The following RIPOR1 variants were observed in gnomAD, a reference collection of about 807,000 sequenced individuals.
RIPOR1 encodes RHO family interacting cell polarization regulator 1.
A neutral mutation model predicts 116.5 loss-of-function variants in RIPOR1; 58 were observed. The ratio of observed to expected loss-of-function variants is 0.50; its 90% CI spans 0.40 to 0.62. RIPOR1 has a LOEUF of 0.62. RIPOR1 is among the 20% of genes least tolerant of loss of function. The pLI, the probability that RIPOR1 is intolerant of heterozygous loss-of-function variation, is 0.00. For missense variants in RIPOR1, 1,372 were observed against 1,586.2 expected, an observed-to-expected ratio of 0.86 and a Z score of 2.29; for synonymous variants, 605 against 650.0, an observed-to-expected ratio of 0.93 and a Z score of 1.05.
At position 67,539,842 on chromosome 16, in the gene RIPOR1, C is replaced by G. The variant is rs768260871; in HGVS notation, c.361-4C>G. ...AGGCCCCTCCTGACCCACCTCTCCC[C>G]CAGCAAGTCAAGTCCATTGAACGCT... On this transcript the variant is annotated splice_region_variant and splice_polypyrimidine_tract_variant and intron_variant, in intron 5 of 21. Transcript: ENST00000042381. The G allele has an allele frequency of 6.2e-6, 10 of 1,614,214 alleles. No homozygotes were observed. The South Asian group carries it at 1.1e-4, about 18-fold the overall frequency.
chr16:67,538,946 G>A (rs758754618), intron 3 of RIPOR1, 44 bp from the exon 4 acceptor site: 16 of 1,612,338 alleles, frequency 9.9e-6, no homozygotes, highest in African/African-American at 1.3e-5. Flanking sequence ...GGCAGCATGA[G>A]GCTGGAGAGC....
At position 67,543,447 on chromosome 16, in the gene RIPOR1, G is replaced by A. The variant is rs2142585555; in HGVS notation, c.2578G>A (p.Asp860Asn). 1 of 1,555,606 alleles carries A rather than the reference G, an allele frequency of 6.4e-7. No individual in the cohort carries two copies. The highest frequency in any genetic ancestry group is 8.7e-7 in the Non-Finnish European group (1 of 1,149,182). ...FSFLNEDEDE[D>N]NDVPGDRPPS... The stretch of plus-strand genomic sequence containing the variant: ...CTTCCTCAATGAAGACGAAGATGAA[G>A]ACAATGATGTTCCTGGGGACAGGTG... The change falls in exon 14 of 22, where the codon GAC (aspartate) becomes AAC (asparagine). Residue 860 changes from aspartate to asparagine, a missense_variant. Physicochemically the swap from Asp to Asn is conservative, Grantham distance 23 (BLOSUM62 1). Coordinates refer to ENST00000042381, the MANE Select transcript of RIPOR1 (RefSeq NM_024519.4). The surrounding 1 kb of genome is among the most constrained non-coding windows in gnomAD (Gnocchi z 4.7).
Position 67,538,694 on chromosome 16 carries a change from C to G in RIPOR1, c.127C>G (p.Pro43Ala). Residue 43 changes from proline to alanine, a missense_variant, in exon 3 of 22, where the codon CCG becomes GCG. Pro to Ala is a conservative substitution (Grantham distance 27). Around this residue, in one of 3 missense-constraint regions of RIPOR1, gnomAD observed 165 missense variants for 145.5 expected, o/e 1.13. Transcript: ENST00000042381. ...GPRSFPVFSP[P>A]GPPRKPPALS... ...CAGGAGTTTCCCGGTCTTCAGCCCGCCGGGGCCCCCACGGAAGCCCCCCGC... is the reference window on the plus strand; with the variant it reads ...CAGGAGTTTCCCGGTCTTCAGCCCGGCGGGGCCCCCACGGAAGCCCCCCGC... The G allele has an allele frequency of 6.2e-7, 1 of 1,613,134 alleles. No homozygotes were observed. Among genetic ancestry groups the G allele is most frequent in the South Asian group, 1.1e-5 (1 of 91,066 alleles).
At chr16:67,523,533 A>C (rs1411951726) in intron 1 of RIPOR1, among the ~76,000 whole-genome samples, 16 of 150,742 alleles carry the variant, frequency 1.1e-4, no homozygotes, top group East Asian at 3.9e-4. Flanking sequence ...AAAAAAAAAA[A>C]AAAAAAAAAA....
In RIPOR1 at chr16:67,537,652, GC is replaced by G; in HGVS notation, c.-23-770del. ...CAGGGACTGGCCCCAGGGGAAGCAG[GC>G]CGGGTTTGGGGGCCAGGAGTGTGTG... is the stretch of plus-strand genomic sequence containing the variant. On this transcript the variant is annotated intron_variant, in intron 1 of 21. Transcript: ENST00000042381. This position sits in a 1 kb window ranked among gnomAD's most constrained non-coding sequence, Gnocchi z 4.6. The G allele has an allele frequency of 7.9e-7, 1 of 1,268,248 alleles. No homozygotes were observed. Among genetic ancestry groups the G allele is most frequent in the Non-Finnish European group, 1.0e-6 (1 of 975,516 alleles). The allele number at this position is 1,268,248 out of a possible 1,614,324, so 78.6% of individuals were successfully genotyped here.
In RIPOR1 at chr16:67,542,384, C is replaced by A. The variant is rs771878843; in HGVS notation, c.1598C>A (p.Ser533Tyr). The A allele has an allele frequency of 1.2e-6, 2 of 1,613,956 alleles. No individual in the cohort carries two copies. The highest frequency in any genetic ancestry group is 1.1e-5 in the South Asian group (1 of 91,082). The stretch of plus-strand genomic sequence containing the variant: ...GCACACCTAGACTCAGTTCATAAGT[C>A]CACAGACTCTGGCCCTTCAGAACTG... The part of the protein sequence containing the change: ...PSAHLDSVHK[S>Y]TDSGPSELPG... Residue 533 changes from serine (S) to tyrosine (Y), a missense_variant, in exon 13 of 22, where the codon TCC (serine) becomes TAC (tyrosine). Ser to Tyr is a moderately radical substitution (Grantham distance 144). Around this residue, in one of 3 missense-constraint regions of RIPOR1, gnomAD observed 1,005 missense variants for 1,144.7 expected, o/e 0.88. Coordinates refer to ENST00000042381, the MANE Select transcript of RIPOR1 (RefSeq NM_024519.4). This position sits in a 1 kb window ranked among gnomAD's most constrained non-coding sequence, Gnocchi z 4.6.
In RIPOR1 at chr16:67,546,741, A is replaced by G. The variant is rs1441468893; in HGVS notation, c.*278A>G. ...GCCACATCCCTTGGTTTTGTATTTT[A>G]TTTACAGAGTTTTACAGAAAATAAA... On this transcript the variant is annotated 3_prime_UTR_variant, in exon 22 of 22. Transcript: ENST00000042381. The G allele has an allele frequency of 5.7e-6, 3 of 528,020 alleles. No individual in the cohort carries two copies. The highest frequency in any genetic ancestry group is 6.8e-6 in the Non-Finnish European group (2 of 294,700). 32.7% of individuals were successfully genotyped at this position (528,020 alleles called of 1,614,324 possible).
rs1040362518 is a variant in RIPOR1 at position 67,530,927 on chromosome 16, C to T, written c.-24+2013C>T. On this transcript the variant is annotated intron_variant, in intron 1 of 21. Coordinates refer to ENST00000042381, the MANE Select transcript of RIPOR1 (RefSeq NM_024519.4). This position sits in a 1 kb window ranked among gnomAD's most constrained non-coding sequence, Gnocchi z 4.5. Reference sequence around the variant, plus strand: ...AGGGGTTCAGCTCTTTCCCTACCTGCTCTCACCCAGCAAGGGCAATCTTGC... The same window carrying T: ...AGGGGTTCAGCTCTTTCCCTACCTGTTCTCACCCAGCAAGGGCAATCTTGC... 1.3e-5 allele frequency among the ~76,000 whole-genome samples: 2 copies of T among 152,164 alleles called. No individual in the cohort carries two copies. The highest frequency in any genetic ancestry group is 2.1e-4 in the South Asian group (1 of 4,838).
In RIPOR1 at chr16:67,537,923, C is replaced by T. The variant is rs981017277; in HGVS notation, c.-23-501C>T. Among the ~76,000 whole-genome samples, 1 of 151,882 alleles carries T rather than the reference C, an allele frequency of 6.6e-6. No individual in the cohort carries two copies. Among genetic ancestry groups the T allele is most frequent in the Non-Finnish European group, 1.5e-5 (1 of 67,910 alleles). ...CGGGGGGCGGGCGACAAACCCGCACCGGCTGGGCCTGTCGGGCAGCTCCGC... is the reference window on the plus strand; with the variant it reads ...CGGGGGGCGGGCGACAAACCCGCACTGGCTGGGCCTGTCGGGCAGCTCCGC... On this transcript the variant is annotated intron_variant, in intron 1 of 21. Coordinates refer to ENST00000042381, the MANE Select transcript of RIPOR1 (RefSeq NM_024519.4). The surrounding 1 kb of genome is among the most constrained non-coding windows in gnomAD (Gnocchi z 4.6).
chr16:67,544,918 C>A lies in RIPOR1; in HGVS notation c.2870-38C>A, dbSNP rs1406644240. Reference sequence around the variant, plus strand: ...CATCTGCATGCTCTCTACTCACCTGCCTGCCTGTTGCTGACGGTTTCCCTC... The same window carrying A: ...CATCTGCATGCTCTCTACTCACCTGACTGCCTGTTGCTGACGGTTTCCCTC... On this transcript the variant is annotated intron_variant, in intron 16 of 21. Coordinates refer to ENST00000042381, the MANE Select transcript of RIPOR1 (RefSeq NM_024519.4). The surrounding 1 kb of genome is among the most constrained non-coding windows in gnomAD (Gnocchi z 5.1). 9 of 1,608,162 alleles carry A rather than the reference C, an allele frequency of 5.6e-6. No homozygotes were observed. The highest frequency in any genetic ancestry group is 1.7e-4 in the Middle Eastern group (1 of 6,060).
upstream of RIPOR1, among the ~76,000 whole-genome samples, chr16:67,525,502 A>T (rs569424819): frequency 1.4e-3 from 213 of 151,962 alleles, 1 homozygote; most frequent in South Asian, 9.3e-3. Context: ...GAGAGTTGTC[A>T]TCCGCGGGGG....
At chr16:67,546,317 AG>A (rs1567581240) in intron 21 of RIPOR1, 48 bp from the exon 22 acceptor site, 1 of 1,606,796 alleles carries the variant, frequency 6.2e-7, no homozygotes, top group East Asian at 2.2e-5. Context: ...GGGGTGGGAG[AG>A]TGGGATGGGG....
intron 4 of RIPOR1, 60 bp from the exon 5 acceptor site, chr16:67,539,668 C>G: frequency 3.1e-6 from 5 of 1,597,346 alleles, no homozygotes; most frequent in Non-Finnish European, 4.3e-6. Flanking sequence ...AGTCTGAGTG[C>G]CTCTGCTGGA....
chr16:67,522,289 G>A (rs943468766), intron 1 of RIPOR1, among the ~76,000 whole-genome samples: 2 of 136,314 alleles, frequency 1.5e-5, no homozygotes, highest in African/African-American at 2.8e-5. Context: ...TGAAACCTCC[G>A]CCTCCCAGGT....
At position 67,545,017 on chromosome 16, in the gene RIPOR1, A is replaced by T; in HGVS notation, c.2931A>T (p.Arg977Ser). The T allele has an allele frequency of 6.2e-7, 1 of 1,613,382 alleles. No individual in the cohort carries two copies. Among genetic ancestry groups the T allele is most frequent in the Non-Finnish European group, 8.5e-7 (1 of 1,179,958 alleles). The part of the protein sequence containing the change: ...FLTFWDQCTE[R>S]LSCFLCPVER... ...CCTTCTGGGACCAGTGCACAGAGAG[A>T]CTCAGCTGCTTCCTCTGCCCGGTGG... Residue 977 changes from arginine to serine, a missense_variant, in exon 17 of 22, where the codon AGA (arginine) becomes AGT (serine). Arg to Ser is a moderately radical substitution (Grantham distance 110). Transcript: ENST00000042381. The surrounding 1 kb of genome is among the most constrained non-coding windows in gnomAD (Gnocchi z 4.8).
chr16:67,525,009 C>A (rs1168989027), upstream of RIPOR1, among the ~76,000 whole-genome samples: 1 of 152,252 alleles, frequency 6.6e-6, no homozygotes, highest in Non-Finnish European at 1.5e-5. Flanking sequence ...AGGCCCCGCA[C>A]GCAATTCTCC....
rs765255922 is a variant in RIPOR1 at position 67,541,908 on chromosome 16, A to G, written c.1122A>G (p.Ala374=). 6.2e-7 allele frequency: 1 copy of G among 1,612,052 alleles called. No individual in the cohort carries two copies. Residue 374 remains alanine (A), a synonymous_variant, in exon 13 of 22, where the codon GCA becomes GCG. Transcript: ENST00000042381. The surrounding 1 kb of genome is among the most constrained non-coding windows in gnomAD (Gnocchi z 4.6). ...AGGAGGAGCTGGAGAATGGGACAGC[A>G]TGGTCCCTGTCATCTGAATCTTCAG... The part of the protein sequence containing the change: ...RRQEELENGT[A]WSLSSESSDD...
At chr16:67,538,315 G>A in intron 1 of RIPOR1, 109 bp from the exon 2 acceptor site, 1 of 1,402,530 alleles carries the variant, frequency 7.1e-7, no homozygotes, top group Non-Finnish European at 9.5e-7. Flanking sequence ...GCCCGCTGGG[G>A]CAGCTGTGCC....
At position 67,544,314 on chromosome 16, in the gene RIPOR1, G is replaced by A. The variant is rs1310609881; in HGVS notation, c.2616G>A (p.Pro872=). The change falls in exon 15 of 22, where the codon CCG becomes CCA. Residue 872 remains proline (P), a synonymous_variant. Transcript: ENST00000042381. This position sits in a 1 kb window ranked among gnomAD's most constrained non-coding sequence, Gnocchi z 5.1. ...DVPGDRPPSS[P]EAGAEDSIDS... ...TTTCCCTCAGGCCTCCAAGCAGCCCGGAGGCTGGGGCTGAGGACAGCATAG... is the reference window on the plus strand; with the variant it reads ...TTTCCCTCAGGCCTCCAAGCAGCCCAGAGGCTGGGGCTGAGGACAGCATAG... The A allele has an allele frequency of 1.6e-5, 26 of 1,605,944 alleles. No homozygotes were observed. The highest frequency in any genetic ancestry group is 2.1e-5 in the Non-Finnish European group (25 of 1,173,864).
Sources: gnomAD v4.1 joint callset for allele counts (sites outside exome capture counted in the v4.1 genomes callset) on GRCh38, gnomAD v4.1.1 for gene constraint, gnomAD v4.1.1 regional missense constraint, Gnocchi (gnomAD v3.1) non-coding constraint, MANE v1.5 for transcripts, NCBI Gene and HGNC (gene_info 2026-07-23, HGNC 2026-07-21) for gene names.